COL16A1: variants seen among roughly 807,000 people sequenced by gnomAD.
The protein encoded by COL16A1 is collagen alpha-1(XVI) chain.
COL16A1 carries 189 observed loss-of-function variants against 266.3 expected under a neutral mutation model. The ratio of observed to expected loss-of-function variants is 0.71; its 90% CI spans 0.63 to 0.80. The LOEUF is 0.80. Ranked by LOEUF, COL16A1 falls within the 30% of genes least tolerant of loss-of-function variation. The pLI is 0.00. For synonymous variants in COL16A1, 740 were observed against 782.3 expected, an observed-to-expected ratio of 0.95 and a Z score of 0.90; for missense variants, 1,928 against 2,122.4, an observed-to-expected ratio of 0.91 and a Z score of 1.80.
At chr1:31,693,247 C>A in intron 12 of COL16A1, 93 bp from the exon 13 acceptor site, 1 of 797,736 alleles carries the variant, frequency 1.3e-6, no homozygotes, top group South Asian at 1.4e-5. Flanking sequence ...TCCACCCATC[C>A]CCCCACACAC....
Position 31,692,508 on chromosome 1 carries a change from C to T in COL16A1, c.1160G>A (p.Gly387Glu), listed in dbSNP as rs766011715. 1.1e-5 allele frequency: 18 copies of T among 1,613,826 alleles called. No individual in the cohort carries two copies. The Admixed American group carries it at 1.5e-4, about 13-fold the overall frequency. Residue 387 changes from glycine to glutamate, a missense_variant and splice_region_variant, in exon 16 of 71, where the codon GGA (glycine) becomes GAA (glutamate). By Grantham distance (98) the Gly-to-Glu change is moderately conservative. This residue lies in a region of COL16A1 where 1,552 missense variants were observed against 1,637.2 expected (regional missense o/e 0.95). Coordinates refer to ENST00000373672, the MANE Select transcript of COL16A1 (RefSeq NM_001856.4). ...TGTTGAGCCTGGGAGTCCTGAGGGT[C>T]CCTGAGATGAGGAAGGGAGACAGAG... ...KGEKGESGAL[G>E]PSGLPGSTGE... is the part of the protein sequence containing the mutation.
chr1:31,702,318 A>G, intron 1 of COL16A1, 91 bp from the exon 2 acceptor site: 1 of 1,349,570 alleles, frequency 7.4e-7, no homozygotes, highest in Non-Finnish European at 1.0e-6. Context: ...TGTGGGGCCC[A>G]GGCACTGGTA....
chr1:31,694,303 C>G (rs1644403115), intron 11 of COL16A1, 133 bp from the exon 12 acceptor site: 1 of 639,802 alleles, frequency 1.6e-6, no homozygotes, highest in African/African-American at 1.9e-5. Context: ...AGCCCCTGCT[C>G]TGCTTCCCAG....
Position 31,691,473 on chromosome 1 carries a change from C to G in COL16A1, c.1342G>C (p.Glu448Gln), listed in dbSNP as rs1156981498. The G allele has an allele frequency of 6.2e-7, 1 of 1,613,516 alleles. No individual in the cohort carries two copies. Among genetic ancestry groups the G allele is most frequent in the South Asian group, 1.1e-5 (1 of 91,038 alleles). ...GFVGPEGLAGEPGPPGLPGPP... is the reference protein window; with the variant it reads ...GFVGPEGLAGQPGPPGLPGPP... ...CCAGGGAGGCCGGGGGGCCCAGGCT[C>G]TCCTGCCAGCCCCTCAGGCCCAACA... The change falls in exon 19 of 71, where the codon GAG becomes CAG. Residue 448 changes from glutamate (E) to glutamine (Q), a missense_variant. Coordinates refer to ENST00000373672, the MANE Select transcript of COL16A1 (RefSeq NM_001856.4).
chr1:31,661,204 GCCA>G, intron 60 of COL16A1, 85 bp from the exon 61 acceptor site: 1 of 1,509,062 alleles, frequency 6.6e-7, no homozygotes, highest in East Asian at 2.4e-5. Context: ...GAGGGACCCT[GCCA>G]CCTGCCCCAG....
At position 31,672,013 on chromosome 1, in the gene COL16A1, A is replaced by G. The variant is rs577176300; in HGVS notation, c.3106-354T>C. The stretch of plus-strand genomic sequence containing the variant: ...TAGTTGGTGTTGAGCTGACACCTGT[A>G]GAATGTTCCTGAATGAAGTAAATAG... On this transcript the variant is annotated intron_variant, in intron 47 of 70. Transcript: ENST00000373672. 2.0e-5 allele frequency among the ~76,000 whole-genome samples: 3 copies of G among 152,346 alleles called. No homozygotes were observed. The South Asian group carries it at 6.2e-4, about 32-fold the overall frequency.
chr1:31,660,937 C>T (rs1641600454), intron 61 of COL16A1, 129 bp downstream of exon 61: 1 of 1,057,348 alleles, frequency 9.5e-7, no homozygotes, highest in African/African-American at 1.6e-5. Flanking sequence ...TGTTGGGTGA[C>T]ACCCCTCCCA....
At chr1:31,661,789 C>G (rs1405262804) in intron 58 of COL16A1, 85 bp from the exon 59 acceptor site, 1 of 1,397,214 alleles carries the variant, frequency 7.2e-7, no homozygotes, top group Non-Finnish European at 9.8e-7. Flanking sequence ...CTCTCTCCAG[C>G]CCTCCCCAGC....
intron 12 of COL16A1, among the ~76,000 whole-genome samples, chr1:31,693,490 T>C (rs1644369092): frequency 6.6e-6 from 1 of 152,194 alleles, no homozygotes; most frequent in African/African-American, 2.4e-5. Flanking sequence ...ACATGCACGG[T>C]GGCAGAAACC....
chr1:31,699,915 T>TCACGGGTCCCCCAAGTTCTGTAAAGCA lies in COL16A1; in HGVS notation c.163_164insTGCTTTACAGAACTTGGGGGACCCGTG (p.His55delinsLeuLeuTyrArgThrTrpGlyThrArgAsp). The TCACGGGTCCCCCAAGTTCTGTAAAGCA allele has an allele frequency of 6.2e-7, 1 of 1,612,988 alleles. No homozygotes were observed. The highest frequency in any genetic ancestry group is 8.5e-7 in the Non-Finnish European group (1 of 1,179,034). ...AGACGTCTTCATGAGGCTGAGTCGG[T>TCACGGGTCCCCCAAGTTCTGTAAAGCA]GGATGAGGTTGAAGCCTTTGGGGGA... On this transcript the variant is annotated protein_altering_variant, in exon 4 of 71. Coordinates refer to ENST00000373672, the MANE Select transcript of COL16A1 (RefSeq NM_001856.4).
chr1:31,686,870 G>T (rs1453619577), intron 26 of COL16A1, among the ~76,000 whole-genome samples: 1 of 152,202 alleles, frequency 6.6e-6, no homozygotes, highest in Non-Finnish European at 1.5e-5. Context: ...AAAATCTGAC[G>T]GGTGGGAGTA....
rs1438665026 is a variant in COL16A1, at chr1:31,667,600, C to T, written c.3332G>A (p.Gly1111Glu). 1 of 1,603,958 alleles carries T rather than the reference C, an allele frequency of 6.2e-7. No homozygotes were observed. Among genetic ancestry groups the T allele is most frequent in the Non-Finnish European group, 8.5e-7 (1 of 1,175,798 alleles). ...PGIKGERGYT[G>E]SAGEKGEPGP... ...CGGCTCTCCTTTCTCTCCCGCTGAC[C>T]CGGTGTAGCCACGCTCCCCCTTGAT... Residue 1111 changes from glycine (G) to glutamate (E), a missense_variant, in exon 52 of 71, where the codon GGG (glycine) becomes GAG (glutamate). This residue lies in a region of COL16A1 where 1,552 missense variants were observed against 1,637.2 expected (regional missense o/e 0.95). Transcript: ENST00000373672.
Position 31,685,602 on chromosome 1 carries a change from C to G in COL16A1, c.2016+37G>C. Reference sequence around the variant, plus strand: ...CCCCTCTCCTTAGCCCCGCCTGCATCCCCCGTCCAGAGGCCCCTGCCTATA... The same window carrying G: ...CCCCTCTCCTTAGCCCCGCCTGCATGCCCCGTCCAGAGGCCCCTGCCTATA... On this transcript the variant is annotated intron_variant, in intron 29 of 70. Transcript: ENST00000373672. The surrounding 1 kb of genome is among the most constrained non-coding windows in gnomAD (Gnocchi z 4.0). 2 of 1,555,620 alleles carry G rather than the reference C, an allele frequency of 1.3e-6. No individual in the cohort carries two copies. The highest frequency in any genetic ancestry group is 1.7e-6 in the Non-Finnish European group (2 of 1,142,880).
chr1:31,695,719 A>T, intron 10 of COL16A1, 42 bp downstream of exon 10: 1 of 1,606,986 alleles, frequency 6.2e-7, no homozygotes, highest in Non-Finnish European at 8.5e-7. Context: ...CAAAGGGTTC[A>T]TGCTGGCACC....
chr1:31,685,551 A>T lies in COL16A1; in HGVS notation c.2016+88T>A. ...CCCCACTACCCCCAACTGCCCAGGG[A>T]GTCAAGAGACCCAGGCAGGACCCCT... On this transcript the variant is annotated intron_variant, in intron 29 of 70. Coordinates refer to ENST00000373672, the MANE Select transcript of COL16A1 (RefSeq NM_001856.4). The surrounding 1 kb of genome is among the most constrained non-coding windows in gnomAD (Gnocchi z 4.0). 2 of 1,122,594 alleles carry T rather than the reference A, an allele frequency of 1.8e-6. No individual in the cohort carries two copies. The highest frequency in any genetic ancestry group is 2.5e-6 in the Non-Finnish European group (2 of 799,726). The allele number at this position is 1,122,594 out of a possible 1,614,324, so 69.5% of individuals were successfully genotyped here.
At chr1:31,654,240 A>G (rs1167917764) in intron 68 of COL16A1, among the ~76,000 whole-genome samples, 197 bp from the exon 69 acceptor site, 1 of 152,036 alleles carries the variant, frequency 6.6e-6, no homozygotes, top group African/African-American at 2.4e-5. Context: ...CCCCATGGAG[A>G]TCCTTCCAAA....
intron 2 of COL16A1, among the ~76,000 whole-genome samples, 171 bp downstream of exon 2, chr1:31,701,950 C>T (rs535071832): frequency 6.6e-6 from 1 of 152,256 alleles, no homozygotes; most frequent in Admixed American, 6.5e-5. Context: ...CAGCTCACTG[C>T]ACACAGGCTC....
intron 67 of COL16A1, 61 bp from the exon 68 acceptor site, chr1:31,654,919 G>A (rs1640972511): frequency 6.3e-7 from 1 of 1,580,176 alleles, no homozygotes; most frequent in Admixed American, 1.7e-5. Flanking sequence ...TTTCCCCTAT[G>A]GAAATAAAGG....
Position 31,697,447 on chromosome 1 carries a change from G to T in COL16A1, c.658-147C>A. ...CCTGGGAGACATCAAAAATAGAGTT[G>T]TCACCAAAGGCAGAACAAAACTGCG... On this transcript the variant is annotated intron_variant, in intron 6 of 70. Transcript: ENST00000373672. This position sits in a 1 kb window ranked among gnomAD's most constrained non-coding sequence, Gnocchi z 4.2. The T allele has an allele frequency of 1.3e-6, 1 of 781,072 alleles. No individual in the cohort carries two copies. Among genetic ancestry groups the T allele is most frequent in the South Asian group, 1.8e-5 (1 of 54,518 alleles). The allele number at this position is 781,072 out of a possible 1,614,324, so 48.4% of individuals were successfully genotyped here. A position where few individuals can be genotyped will look rare whatever the true frequency, so the allele number is the denominator to read the frequency against.
Sources: gnomAD v4.1 joint callset for allele counts (sites outside exome capture counted in the v4.1 genomes callset) on GRCh38, gnomAD v4.1.1 for gene constraint, gnomAD v4.1.1 regional missense constraint, Gnocchi (gnomAD v3.1) non-coding constraint, MANE v1.5 for transcripts, NCBI Gene and HGNC (gene_info 2026-07-23, HGNC 2026-07-21) for gene names.